The following CUL9 variants were observed in gnomAD, a reference collection of about 807,000 sequenced individuals.
CUL9 encodes cullin-9.
Under a neutral mutation model 272.6 loss-of-function variants are expected in CUL9, and 79 were observed. The ratio of observed to expected loss-of-function variants is 0.29; its 90% confidence interval spans 0.24 to 0.35. The LOEUF (loss-of-function observed/expected upper bound fraction) is 0.35, where lower values mean the gene tolerates loss of function less well. Among genes scored for constraint, CUL9 ranks in the 10% least tolerant of loss-of-function variants. The probability of loss-of-function intolerance (pLI) is 1.00; values close to 1 mark genes in which losing one functional copy is unlikely to be tolerated. For missense variants in CUL9, 2,532 were observed against 3,255.6 expected, an observed-to-expected ratio of 0.78 and a Z score of 5.41; for synonymous variants, 1,186 against 1,286.5, an observed-to-expected ratio of 0.92 and a Z score of 1.67.
At chr6:43,192,690 A>G (rs986313919) in intron 8 of CUL9, among the ~76,000 whole-genome samples, 14 of 152,206 alleles carry the variant, frequency 9.2e-5, no homozygotes, top group African/African-American at 3.1e-4. Flanking sequence ...CGAAAAGACA[A>G]ACAAAACCAC....
chr6:43,213,231 GA>G lies in CUL9; in HGVS notation c.5297del (p.Lys1766SerfsTer15), dbSNP rs891160044. ...WLGRAELQFG[K>X]QILHVSTVQM... ...TGGGCCGGGCTGAGCTGCAGTTTGG[GA>G]AGCAGATACTGCATGTGTCCACCGT... On this transcript the variant is annotated frameshift_variant, in exon 27 of 41. Coordinates refer to ENST00000252050, the MANE Select transcript of CUL9 (RefSeq NM_015089.4). LOFTEE classifies it high-confidence loss of function. This position sits in a 1 kb window ranked among gnomAD's most constrained non-coding sequence, Gnocchi z 5.7. The G allele has an allele frequency of 6.2e-7, 1 of 1,614,056 alleles. No homozygotes were observed. Among genetic ancestry groups the G allele is most frequent in the Non-Finnish European group, 8.5e-7 (1 of 1,180,042 alleles).
intron 7 of CUL9, 193 bp downstream of exon 7, chr6:43,188,311 G>A: frequency 1.3e-6 from 1 of 799,666 alleles, no homozygotes; most frequent in Non-Finnish European, 1.9e-6. Context: ...CCTTCCTTCA[G>A]TATCTCTGGA....
In CUL9 at chr6:43,183,706, C is replaced by A. The variant is rs534369648; in HGVS notation, c.-9-596C>A. ...TTTGTAAACTCCCCTTCCTTCCTTT[C>A]TTCCTTCCTTCCTTCCTTCCTTCCT... On this transcript the variant is annotated intron_variant, in intron 1 of 40. Coordinates refer to ENST00000252050, the MANE Select transcript of CUL9 (RefSeq NM_015089.4). Among the ~76,000 whole-genome samples, 123 of 112,600 alleles carry A rather than the reference C, an allele frequency of 1.1e-3. No individual in the cohort carries two copies. In the East Asian group the frequency reaches 0.016, roughly 15 times the overall value. The allele number at this position is 112,600 out of a possible 152,430, so 73.9% of individuals were successfully genotyped here.
rs1159599338 is a variant in CUL9 at position 43,215,323 on chromosome 6, C to T, written c.5933C>T (p.Pro1978Leu). Residue 1978 changes from proline (P) to leucine (L), a missense_variant, in exon 30 of 41, where the codon CCC becomes CTC. Pro to Leu is a moderately conservative substitution (Grantham distance 98). This residue lies in a region of CUL9 where 2,218 missense variants were observed against 2,788.6 expected (regional missense o/e 0.80). Transcript: ENST00000252050. ...FCGSQSETSKPSPEAVATLAS... is the reference protein window; with the variant it reads ...FCGSQSETSKLSPEAVATLAS... ...GGCAGCCAGAGCGAAACCTCCAAGC[C>T]CAGGTAGCCACTGCACCTGACCCCT... is the stretch of plus-strand genomic sequence containing the variant. The T allele has an allele frequency of 6.2e-7, 1 of 1,605,720 alleles. No individual in the cohort carries two copies. The highest frequency in any genetic ancestry group is 1.3e-5 in the African/African-American group (1 of 74,994).
intron 21 of CUL9, 85 bp downstream of exon 21, chr6:43,204,624 C>T (rs1381804032): frequency 5.7e-6 from 9 of 1,588,124 alleles, no homozygotes; most frequent in South Asian, 1.1e-5. Context: ...ACTCTTGCTG[C>T]TTTGCTACCG....
intron 6 of CUL9, 67 bp downstream of exon 6, chr6:43,187,506 T>C: frequency 6.6e-7 from 1 of 1,524,396 alleles, no homozygotes; most frequent in Non-Finnish European, 9.0e-7. Flanking sequence ...CTAGAGGGAG[T>C]TTCAGATAGG....
Position 43,223,341 on chromosome 6 carries a change from G to T in CUL9, c.7228G>T (p.Glu2410Ter). ...GGCCGACTGCCTCAGCACGGGCATG[G>T]AGCTGCTCCGGCGGATCCAGGAGAG... Reference protein sequence around the residue: ...LRADCLSTGMELLRRIQERLL... With the variant: ...LRADCLSTGM Residue 2410 changes from glutamate (E) to a stop codon, truncating the protein, a stop_gained, in exon 39 of 41, where the codon GAG (glutamate) becomes TAG (stop). Coordinates refer to ENST00000252050, the MANE Select transcript of CUL9 (RefSeq NM_015089.4). LOFTEE classifies it high-confidence loss of function. The surrounding 1 kb of genome is among the most constrained non-coding windows in gnomAD (Gnocchi z 4.1). 1 of 1,602,148 alleles carries T rather than the reference G, an allele frequency of 6.2e-7. No homozygotes were observed.
intron 9 of CUL9, 68 bp downstream of exon 9, chr6:43,193,276 G>GA: frequency 7.0e-7 from 1 of 1,434,798 alleles, no homozygotes; most frequent in South Asian, 1.2e-5. Context: ...TACTGATCTT[G>GA]AGGGGGTACT....
chr6:43,223,408 G>T lies in CUL9; in HGVS notation c.7284+11G>T. ...CAGCATTCTGCCCAGGTACTGCCCGGCCCAGACCCCTTCTGCTCCTGCATT... is the reference window on the plus strand; with the variant it reads ...CAGCATTCTGCCCAGGTACTGCCCGTCCCAGACCCCTTCTGCTCCTGCATT... On this transcript the variant is annotated intron_variant, in intron 39 of 40. Transcript: ENST00000252050. This position sits in a 1 kb window ranked among gnomAD's most constrained non-coding sequence, Gnocchi z 4.1. 1.9e-6 allele frequency: 3 copies of T among 1,585,360 alleles called. No individual in the cohort carries two copies. Among genetic ancestry groups the T allele is most frequent in the Non-Finnish European group, 2.6e-6 (3 of 1,163,026 alleles).
chr6:43,221,829 G>T lies in CUL9; in HGVS notation c.6846+51G>T. ...GCAGAGGCCCAGAGCCGTCGGGGAG[G>T]GGTGCTGCTACCAGGTCCTGGGCAG... On this transcript the variant is annotated intron_variant, in intron 35 of 40. Transcript: ENST00000252050. This position sits in a 1 kb window ranked among gnomAD's most constrained non-coding sequence, Gnocchi z 4.2. The T allele has an allele frequency of 2.0e-6, 3 of 1,515,926 alleles. No individual in the cohort carries two copies. Among genetic ancestry groups the T allele is most frequent in the Non-Finnish European group, 2.7e-6 (3 of 1,104,582 alleles). The allele number at this position is 1,515,926 out of a possible 1,614,324, so 93.9% of individuals were successfully genotyped here. A position where few individuals can be genotyped will look rare whatever the true frequency, so the allele number is the denominator to read the frequency against.
chr6:43,204,320 A>G (rs1490387670), intron 20 of CUL9, 40 bp from the exon 21 acceptor site: 29 of 1,604,288 alleles, frequency 1.8e-5, no homozygotes, highest in Non-Finnish European at 2.5e-5. Flanking sequence ...CTGTTCTCCC[A>G]TCTCCCATGG....
At chr6:43,202,451 G>T (rs1774680847) in intron 16 of CUL9, among the ~76,000 whole-genome samples, 1 of 152,224 alleles carries the variant, frequency 6.6e-6, no homozygotes, top group Non-Finnish European at 1.5e-5. Context: ...GGGGACAGCT[G>T]CCTCAGGAGC....
intron 36 of CUL9, 54 bp downstream of exon 36, chr6:43,222,444 G>A (rs1776446992): frequency 1.9e-6 from 3 of 1,578,822 alleles, no homozygotes; most frequent in Admixed American, 3.3e-5. Flanking sequence ...TTGGGGTGGT[G>A]GGGTGGAGGG....
intron 7 of CUL9, 137 bp from the exon 8 acceptor site, chr6:43,188,386 G>T: frequency 1.1e-6 from 1 of 910,480 alleles, no homozygotes; most frequent in Non-Finnish European, 1.6e-6. Flanking sequence ...CCCTGACACA[G>T]AATTGGAAAA....
chr6:43,216,624 T>G (rs1775961172), intron 31 of CUL9, 121 bp downstream of exon 31: 2 of 881,802 alleles, frequency 2.3e-6, no homozygotes, highest in Non-Finnish European at 3.5e-6. Flanking sequence ...AATAGTGGAT[T>G]TAGTCTCTTA....
In CUL9 at chr6:43,184,242, C is replaced by A; in HGVS notation, c.-9-60C>A. On this transcript the variant is annotated intron_variant, in intron 1 of 40. Transcript: ENST00000252050. This position sits in a 1 kb window ranked among gnomAD's most constrained non-coding sequence, Gnocchi z 4.8. ...CTTCTCTGTGTCTCAAGATTCCACC[C>A]CCTCCATGTATTTTTTTTCTTTTCT... 7.9e-7 allele frequency: 1 copy of A among 1,258,128 alleles called. No individual in the cohort carries two copies. Among genetic ancestry groups the A allele is most frequent in the Non-Finnish European group, 1.1e-6 (1 of 946,130 alleles). The allele number at this position is 1,258,128 out of a possible 1,614,324, so 77.9% of individuals were successfully genotyped here.
In CUL9 at chr6:43,220,612, G is replaced by A. The variant is rs181061875; in HGVS notation, c.6423+13G>A. The A allele has an allele frequency of 5.0e-4, 805 of 1,613,634 alleles. 2 individuals are homozygous for A. The highest frequency in any genetic ancestry group is 6.2e-4 in the Non-Finnish European group (726 of 1,179,778). ...GGTCATCTCCAAGGTATCCCCTCTCGTCTGAGAGAGGCTCCAGTGCAGAGC... is the reference window on the plus strand; with the variant it reads ...GGTCATCTCCAAGGTATCCCCTCTCATCTGAGAGAGGCTCCAGTGCAGAGC... On this transcript the variant is annotated intron_variant, in intron 32 of 40. Transcript: ENST00000252050. The surrounding 1 kb of genome is among the most constrained non-coding windows in gnomAD (Gnocchi z 4.9).
rs1775679832 is a variant in CUL9, at chr6:43,213,362, C to G, written c.5358+68C>G. ...ATCTGTCGCTGTTCTCCTCCTAAAC[C>G]CTGTTCCTCCTTCATCCTTACTCCC... On this transcript the variant is annotated intron_variant, in intron 27 of 40. Coordinates refer to ENST00000252050, the MANE Select transcript of CUL9 (RefSeq NM_015089.4). This position sits in a 1 kb window ranked among gnomAD's most constrained non-coding sequence, Gnocchi z 5.7. The G allele has an allele frequency of 1.2e-6, 2 of 1,610,230 alleles. No homozygotes were observed. The highest frequency in any genetic ancestry group is 1.7e-5 in the Admixed American group (1 of 59,894).
Position 43,203,319 on chromosome 6 carries a change from C to T in CUL9, c.3850-98C>T, listed in dbSNP as rs1200242829. ...TGAGTCCCAGAGATGTGGGGATGTC[C>T]TGAGCAGTTCTAGGGAGCTCAGGGC... On this transcript the variant is annotated intron_variant, in intron 18 of 40. Coordinates refer to ENST00000252050, the MANE Select transcript of CUL9 (RefSeq NM_015089.4). This position sits in a 1 kb window ranked among gnomAD's most constrained non-coding sequence, Gnocchi z 5.0. 3 of 1,595,246 alleles carry T rather than the reference C, an allele frequency of 1.9e-6. No homozygotes were observed. In the Admixed American group the frequency reaches 5.0e-5, roughly 27 times the overall value.
Sources: allele counts gnomAD v4.1 joint callset (sites outside exome capture counted in the v4.1 genomes callset), GRCh38; gene constraint gnomAD v4.1.1; regional missense constraint gnomAD v4.1.1; non-coding constraint Gnocchi (gnomAD v3.1); transcripts MANE v1.5; gene names NCBI Gene and HGNC (gene_info 2026-07-23, HGNC 2026-07-21).